Variants in AATK observed in about 807,000 individuals in gnomAD.
AATK encodes the protein serine/threonine-protein kinase LMTK1.
In AATK, 91 loss-of-function variants were observed where a neutral mutation model predicts 114.3. The ratio of observed to expected loss-of-function variants is 0.80; its 90% confidence interval spans 0.67 to 0.95. The LOEUF is 0.95. Among genes scored for constraint, AATK ranks in the 40% least tolerant of loss-of-function variants. The pLI is 0.00. For missense variants in AATK, 2,176 were observed against 1,965.2 expected (o/e 1.11, Z -2.03); for synonymous variants, 1,075 against 916.5 (o/e 1.17, Z -3.12).
intron 1 of AATK, among the ~76,000 whole-genome samples, chr17:81,154,921 C>A (rs756518599): frequency 6.6e-5 from 10 of 152,332 alleles, no homozygotes; most frequent in Admixed American, 4.6e-4. Flanking sequence ...TGAGCCACTG[C>A]GCTCGGCCCT....
chr17:81,131,325 C>T (rs1480549726), intron 2 of AATK, 120 bp from the exon 3 acceptor site: 29 of 1,351,702 alleles, frequency 2.1e-5, no homozygotes, highest in African/African-American at 3.0e-5. Flanking sequence ...AGGGGGTGCT[C>T]GGCCCAGAGT....
rs1305075786 is a variant in AATK at position 81,120,274 on chromosome 17, A to G, written c.3662T>C (p.Phe1221Ser). The G allele has an allele frequency of 3.7e-6, 6 of 1,603,686 alleles. No homozygotes were observed. The highest frequency in any genetic ancestry group is 5.1e-6 in the Non-Finnish European group (6 of 1,173,576). ...LKMPSLLSETFCEDLERKKKA... is the reference protein window; with the variant it reads ...LKMPSLLSETSCEDLERKKKA... The stretch of plus-strand genomic sequence containing the variant: ...CTTCTTGCGTTCCAGGTCCTCGCAG[A>G]AGGTCTCGGACAGCAGGCTGGGCAT... The change falls in exon 11 of 14, where the codon TTC becomes TCC. Residue 1221 changes from phenylalanine (F) to serine (S), a missense_variant. Physicochemically the swap from Phe to Ser is radical, Grantham distance 155. Coordinates refer to ENST00000326724, the MANE Select transcript of AATK (RefSeq NM_001080395.3).
In AATK at chr17:81,132,965, C is replaced by T. The variant is rs867348097; in HGVS notation, c.189+1403G>A. 173 of 291,870 alleles carry T rather than the reference C, an allele frequency of 5.9e-4. 3 individuals carry two copies. The highest frequency in any genetic ancestry group is 2.6e-4 in the Non-Finnish European group (38 of 146,504). 18.1% of individuals were successfully genotyped at this position (291,870 alleles called of 1,614,324 possible). ...CAAGGAGGGGCCACTTATACAATAG[C>T]CCCACTCGTCCCACCCAGGCCCCAC... is the stretch of plus-strand genomic sequence containing the variant. On this transcript the variant is annotated intron_variant, in intron 2 of 13. Coordinates refer to ENST00000326724, the MANE Select transcript of AATK (RefSeq NM_001080395.3).
chr17:81,118,017 G>A lies in AATK; in HGVS notation c.*385C>T, dbSNP rs572537013. The A allele has an allele frequency of 7.9e-5, 16 of 201,326 alleles. No homozygotes were observed. Among genetic ancestry groups the A allele is most frequent in the African/African-American group, 1.6e-4 (7 of 43,254 alleles). The allele number at this position is 201,326 out of a possible 1,614,324, so 12.5% of individuals were successfully genotyped here. ...GGTTTAAGTGTCCTGTGAGCACACC[G>A]GAGGAGCTGCCGGATGGGGCATGCG... is the stretch of plus-strand genomic sequence containing the variant. On this transcript the variant is annotated 3_prime_UTR_variant, in exon 14 of 14. Transcript: ENST00000326724.
At chr17:81,134,289 G>T in intron 2 of AATK, 79 bp downstream of exon 2, 1 of 1,558,136 alleles carries the variant, frequency 6.4e-7, no homozygotes, top group East Asian at 2.3e-5. Flanking sequence ...CCAGGAAGGA[G>T]GGAAGCTCAG....
At chr17:81,138,379 GGGCACA>G in intron 1 of AATK, among the ~76,000 whole-genome samples, 1 of 121,406 alleles carries the variant, frequency 8.2e-6, no homozygotes, top group African/African-American at 3.3e-5. Context: ...ATGGACACAC[GGGCACA>G]CGTGCACACA....
In AATK at chr17:81,121,205, A is replaced by AGGACGGGATGTCCAGGGAGTCCAGGG; in HGVS notation, c.2705_2730dup (p.Ser911ProfsTer202). The AGGACGGGATGTCCAGGGAGTCCAGGG allele has an allele frequency of 1.2e-6, 2 of 1,604,750 alleles. No individual in the cohort carries two copies. The highest frequency in any genetic ancestry group is 1.7e-6 in the Non-Finnish European group (2 of 1,176,144). ...ACCTCATAGCCACCATCACTGGCTGAGGACGGGATGTCCAGGGAGTCCAGG... is the reference window on the plus strand; with the variant it reads ...ACCTCATAGCCACCATCACTGGCTGAGGACGGGATGTCCAGGGAGTCCAGGGGGACGGGATGTCCAGGGAGTCCAGG... On this transcript the variant is annotated frameshift_variant, in exon 11 of 14. Transcript: ENST00000326724. LOFTEE classifies it high-confidence loss of function.
intron 1 of AATK, among the ~76,000 whole-genome samples, chr17:81,150,415 C>G (rs1381742624): frequency 6.9e-6 from 1 of 145,840 alleles, no homozygotes; most frequent in African/African-American, 2.6e-5. Context: ...AGGGCTCCCC[C>G]TGATCCCAAT....
chr17:81,142,578 T>C (rs2061154649), intron 1 of AATK, among the ~76,000 whole-genome samples: 1 of 152,206 alleles, frequency 6.6e-6, no homozygotes, highest in Admixed American at 6.5e-5. Context: ...TCTGGAGCAT[T>C]GGCTCTGCTG....
Position 81,138,356 on chromosome 17 carries a change from C to T in AATK, c.56-3855G>A, listed in dbSNP as rs569452227. Among the ~76,000 whole-genome samples, 56 of 149,542 alleles carry T rather than the reference C, an allele frequency of 3.7e-4. 1 individual carries two copies. The highest frequency in any genetic ancestry group is 7.3e-4 in the Non-Finnish European group (49 of 67,456). ...ACATGCACACCCACACATACCCACG[C>T]ACACACACTCCCATGGACACACGGG... On this transcript the variant is annotated intron_variant, in intron 1 of 13. Transcript: ENST00000326724.
At position 81,131,045 on chromosome 17, in the gene AATK, CCCA is replaced by C. The variant is rs1476455039; in HGVS notation, c.334+13_334+15del. On this transcript the variant is annotated intron_variant, in intron 3 of 13. Coordinates refer to ENST00000326724, the MANE Select transcript of AATK (RefSeq NM_001080395.3). ...CCCCGGAGGGAGGCCACCCCATCTC[CCCA>C]CCCAGCCCTCACCTGAGCGCCCAGG... 10 of 1,546,866 alleles carry C rather than the reference CCCA, an allele frequency of 6.5e-6. No individual in the cohort carries two copies. The Admixed American group carries it at 9.8e-5, about 15-fold the overall frequency.
chr17:81,139,623 G>A (rs777655740), intron 1 of AATK, among the ~76,000 whole-genome samples: 1 of 101,782 alleles, frequency 9.8e-6, no homozygotes, highest in Non-Finnish European at 2.1e-5. Context: ...GCGGTCCCTG[G>A]TCCTCCCGCA....
At chr17:81,123,620 T>C (rs530807315) in intron 9 of AATK, among the ~76,000 whole-genome samples, 1 of 152,048 alleles carries the variant, frequency 6.6e-6, no homozygotes, top group Admixed American at 6.5e-5. Context: ...ATTCATTCAC[T>C]GATGCACTGA....
Position 81,121,910 on chromosome 17 carries a change from C to T in AATK, c.2026G>A (p.Gly676Arg), listed in dbSNP as rs774739437. The change falls in exon 11 of 14, where the codon GGG becomes AGG. Residue 676 changes from glycine to arginine, a missense_variant. Coordinates refer to ENST00000326724, the MANE Select transcript of AATK (RefSeq NM_001080395.3). ...EVGARRAAQR[G>R]HWRSNVSANN... ...GCTGACACGTTGGAGCGCCAGTGCC[C>T]GCGCTGGGCGGCCCTCCGCGCTCCC... is the stretch of plus-strand genomic sequence containing the variant. The T allele has an allele frequency of 9.4e-6, 15 of 1,600,572 alleles. No homozygotes were observed. Among genetic ancestry groups the T allele is most frequent in the East Asian group, 4.5e-5 (2 of 44,834 alleles).
chr17:81,121,680 C>T lies in AATK; in HGVS notation c.2256G>A (p.Gln752=), dbSNP rs769513007. The change falls in exon 11 of 14, where the codon CAG becomes CAA. Residue 752 remains glutamine (Q), a synonymous_variant. Transcript: ENST00000326724. The part of the protein sequence containing the change: ...CPGLPHLCSA[Q]GLAPAPCLVT... The stretch of plus-strand genomic sequence containing the variant: ...CCAGGCAGGGAGCAGGTGCCAGGCC[C>T]TGGGCAGAGCATAGATGAGGGAGGC... 1.3e-6 allele frequency: 2 copies of T among 1,500,134 alleles called. No individual in the cohort carries two copies. The highest frequency in any genetic ancestry group is 1.8e-6 in the Non-Finnish European group (2 of 1,129,424). The allele number at this position is 1,500,134 out of a possible 1,614,324, so 92.9% of individuals were successfully genotyped here.
chr17:81,140,667 CGTGGGG>C (rs2061110077), intron 1 of AATK, among the ~76,000 whole-genome samples: 1 of 132,066 alleles, frequency 7.6e-6, no homozygotes. Context: ...ACCGTGGGGC[CGTGGGG>C]ACCATGGGGC....
chr17:81,138,290 C>G (rs906896804), intron 1 of AATK, among the ~76,000 whole-genome samples: 1 of 145,760 alleles, frequency 6.9e-6, no homozygotes, highest in African/African-American at 2.5e-5. Context: ...CACCCACCCA[C>G]ACATGTGCAC....
intron 1 of AATK, among the ~76,000 whole-genome samples, chr17:81,162,420 C>G (rs765254294): frequency 1.3e-5 from 2 of 152,140 alleles, no homozygotes; most frequent in Non-Finnish European, 2.9e-5. Context: ...CCTGAGTGGT[C>G]TGGGAGACTG....
At chr17:81,164,346 G>C (rs908505762) in intron 1 of AATK, among the ~76,000 whole-genome samples, 1 of 152,164 alleles carries the variant, frequency 6.6e-6, no homozygotes, top group African/African-American at 2.4e-5. Flanking sequence ...ATCCGAAGGA[G>C]GGTCTCCTTC....
Sources: allele counts gnomAD v4.1 joint callset (sites outside exome capture counted in the v4.1 genomes callset), GRCh38; gene constraint gnomAD v4.1.1; transcripts MANE v1.5; gene names NCBI Gene and HGNC (gene_info 2026-07-23, HGNC 2026-07-21).